Variants in ZNF257 observed in about 807,000 individuals in gnomAD.
ZNF257 encodes zinc finger protein 257, also known as bone marrow zinc finger 4.
ZNF257 carries 12 observed loss-of-function variants against 11.9 expected under a neutral mutation model. The ratio of observed to expected loss-of-function variants is 1.01; its 90% CI spans 0.65 to 1.63. ZNF257 has a LOEUF of 1.63. Ranked by LOEUF, ZNF257 falls within the 40% of genes most tolerant of loss-of-function variation. ZNF257 has a pLI of 0.00. For synonymous variants in ZNF257, 183 were observed against 222.7 expected, an observed-to-expected ratio of 0.82 and a Z score of 1.59; for missense variants, 580 against 665.5, an observed-to-expected ratio of 0.87 and a Z score of 1.41.
chr19:22,058,054 G>A (rs1052747564), intron 1 of ZNF257, among the ~76,000 whole-genome samples: 5 of 152,076 alleles, frequency 3.3e-5, no homozygotes, highest in Admixed American at 1.3e-4. Flanking sequence ...AAGCCACCGC[G>A]CCTAGCCAAA....
At position 22,077,948 on chromosome 19, in the gene ZNF257, G is replaced by A. The variant is rs1228943888; in HGVS notation, c.226+4384G>A. The stretch of plus-strand genomic sequence containing the variant: ...TGGTGTTTTTTTAAAAAATTATAGT[G>A]GCCATTCTAGGCCAGGCACGGTGGC... On this transcript the variant is annotated intron_variant, in intron 3 of 3. Transcript: ENST00000594947. Among the ~76,000 whole-genome samples, 4 of 151,684 alleles carry A rather than the reference G, an allele frequency of 2.6e-5. No homozygotes were observed. The East Asian group carries it at 7.7e-4, about 29-fold the overall frequency.
chr19:22,082,243 T>G (rs995510859), intron 3 of ZNF257, among the ~76,000 whole-genome samples: 2 of 152,172 alleles, frequency 1.3e-5, no homozygotes, highest in African/African-American at 4.8e-5. Context: ...TAGTAAAGGA[T>G]TCCATGTGTG....
chr19:22,087,142 G>A (rs1035523808), intron 3 of ZNF257, among the ~76,000 whole-genome samples: 14 of 150,704 alleles, frequency 9.3e-5, no homozygotes, highest in African/African-American at 3.2e-4. Context: ...ATTTTATAAT[G>A]ATTGCTTTCT....
In ZNF257 at chr19:22,088,304, T is replaced by C; in HGVS notation, c.554T>C (p.Leu185Pro). 6.2e-7 allele frequency: 1 copy of C among 1,613,742 alleles called. No individual in the cohort carries two copies. The highest frequency in any genetic ancestry group is 1.3e-5 in the African/African-American group (1 of 75,020). The change falls in exon 4 of 4, where the codon CTT becomes CCT. Residue 185 changes from leucine (L) to proline (P), a missense_variant. Coordinates refer to ENST00000594947, the MANE Select transcript of ZNF257 (RefSeq NM_033468.4). The stretch of plus-strand genomic sequence containing the variant: ...GAATGTGGCAAATCATTTTGCATGC[T>C]TTCACAACTAACTCGACATAAGAGA... ...CKECGKSFCM[L>P]SQLTRHKRIH...
At chr19:22,071,025 G>A in intron 1 of ZNF257, among the ~76,000 whole-genome samples, 1 of 152,064 alleles carries the variant, frequency 6.6e-6, no homozygotes, top group Non-Finnish European at 1.5e-5. Context: ...TGTTGTTTTG[G>A]TTAAGTACCT....
chr19:22,087,674 T>C (rs1195769020), intron 3 of ZNF257: 2 of 815,864 alleles, frequency 2.5e-6, no homozygotes, highest in African/African-American at 3.6e-5. Context: ...TATGTTATAC[T>C]GAGGAGAAGG....
At chr19:22,073,683 G>T in intron 3 of ZNF257, 119 bp downstream of exon 3, 1 of 1,329,534 alleles carries the variant, frequency 7.5e-7, no homozygotes, top group Non-Finnish European at 1.0e-6. Context: ...TATAGTTTCT[G>T]GAAGCCTGAG....
intron 3 of ZNF257, among the ~76,000 whole-genome samples, chr19:22,082,362 T>C (rs2022378735): frequency 6.6e-6 from 1 of 152,142 alleles, no homozygotes; most frequent in Non-Finnish European, 1.5e-5. Context: ...TGTTTTTATA[T>C]GCAAAGTCAC....
chr19:22,055,995 C>T (rs2021623032), intron 1 of ZNF257, among the ~76,000 whole-genome samples: 1 of 145,608 alleles, frequency 6.9e-6, no homozygotes, highest in Admixed American at 7.0e-5. Context: ...GCGGAGCTTG[C>T]AGTGAGCCGA....
chr19:22,054,690 T>TA (rs1274764291), intron 1 of ZNF257, among the ~76,000 whole-genome samples: 1 of 152,036 alleles, frequency 6.6e-6, no homozygotes, highest in Non-Finnish European at 1.5e-5. Flanking sequence ...CACTGTAGTG[T>TA]AAAAAAAATT....
At chr19:22,076,528 C>T (rs926666254) in intron 3 of ZNF257, among the ~76,000 whole-genome samples, 8 of 152,034 alleles carry the variant, frequency 5.3e-5, no homozygotes, top group Non-Finnish European at 1.2e-4. Context: ...GTCAATGATT[C>T]GAAATACCTG....
chr19:22,089,333 C>G lies in ZNF257; in HGVS notation c.1583C>G (p.Ser528Ter), dbSNP rs1568492714. The G allele has an allele frequency of 6.2e-7, 1 of 1,613,732 alleles. No individual in the cohort carries two copies. The highest frequency in any genetic ancestry group is 2.2e-5 in the East Asian group (1 of 44,860). The change falls in exon 4 of 4, where the codon TCA becomes TGA. Residue 528 changes from serine to a stop codon, truncating the protein, a stop_gained. Coordinates refer to ENST00000594947, the MANE Select transcript of ZNF257 (RefSeq NM_033468.4). LOFTEE classifies it low-confidence loss of function (END_TRUNC). ...TGTGGCAAGCCTTTTAATCGTTTCT[C>G]ATACCTTACCGTACATAAGAGAATT... is the stretch of plus-strand genomic sequence containing the variant. ...EECGKPFNRF[S>*]YLTVHKRIHA... is the part of the protein sequence containing the mutation.
intron 1 of ZNF257, among the ~76,000 whole-genome samples, chr19:22,064,746 G>A (rs977037863): frequency 3.9e-5 from 6 of 152,128 alleles, no homozygotes; most frequent in African/African-American, 1.4e-4. Context: ...TAGGCAACCT[G>A]CGTTTATATA....
At chr19:22,086,734 A>G (rs934845991) in intron 3 of ZNF257, among the ~76,000 whole-genome samples, 2 of 151,912 alleles carry the variant, frequency 1.3e-5, no homozygotes, top group Admixed American at 6.6e-5. Flanking sequence ...GGACTTTGAC[A>G]ATATCACACA....
intron 1 of ZNF257, among the ~76,000 whole-genome samples, chr19:22,058,174 C>A (rs976884972): frequency 2.6e-5 from 4 of 152,128 alleles, no homozygotes; most frequent in African/African-American, 9.7e-5. Flanking sequence ...AAGGGTGTTT[C>A]TTTCCATGAA....
At position 22,088,504 on chromosome 19, in the gene ZNF257, A is replaced by G. The variant is rs2145721486; in HGVS notation, c.754A>G (p.Thr252Ala). 6.2e-7 allele frequency: 1 copy of G among 1,612,488 alleles called. No individual in the cohort carries two copies. Among genetic ancestry groups the G allele is most frequent in the Non-Finnish European group, 8.5e-7 (1 of 1,179,304 alleles). The change falls in exon 4 of 4, where the codon ACT (threonine) becomes GCT (alanine). Residue 252 changes from threonine to alanine, a missense_variant. Physicochemically the swap from Thr to Ala is moderately conservative, Grantham distance 58. Transcript: ENST00000594947. ...SHLTQHKVIH[T>A]REKPYKCEEC... ...CCTTACTCAACATAAGGTAATTCAT[A>G]CTAGAGAGAAACCCTACAAATGTGA...
At chr19:22,073,045 A>G in intron 2 of ZNF257, 110 bp downstream of exon 2, 2 of 1,257,736 alleles carry the variant, frequency 1.6e-6, no homozygotes, top group South Asian at 1.7e-5. Context: ...TTTGATAATT[A>G]TGTTTTGCAT....
At chr19:22,054,284 G>C (rs1330988813) in intron 1 of ZNF257, among the ~76,000 whole-genome samples, 2 of 151,922 alleles carry the variant, frequency 1.3e-5, no homozygotes, top group Admixed American at 6.6e-5. Context: ...GGGCTAGGCT[G>C]GTCTCGAACT....
chr19:22,079,998 T>C (rs567671883), intron 3 of ZNF257, among the ~76,000 whole-genome samples: 3 of 152,242 alleles, frequency 2.0e-5, no homozygotes, highest in East Asian at 3.9e-4. Context: ...TTGTTGTTTT[T>C]AGACAGGATC....
Sources: gnomAD v4.1 joint callset for allele counts (sites outside exome capture counted in the v4.1 genomes callset) on GRCh38, gnomAD v4.1.1 for gene constraint, MANE v1.5 for transcripts, NCBI Gene and HGNC (gene_info 2026-07-23, HGNC 2026-07-21) for gene names.